Variants in GLIS3 observed in about 807,000 individuals in gnomAD.
The protein encoded by GLIS3 is zinc finger protein GLIS3.
GLIS3 carries 53 observed loss-of-function variants against 78.6 expected under a neutral mutation model. The ratio of observed to expected loss-of-function variants is 0.67; its 90% CI spans 0.54 to 0.85. GLIS3 has a LOEUF of 0.85. Among genes scored for constraint, GLIS3 ranks in the 40% least tolerant of loss-of-function variants. The pLI, the probability that GLIS3 is intolerant of heterozygous loss-of-function variation, is 0.00. For synonymous variants in GLIS3, 684 were observed against 509.9 expected (o/e 1.34, Z -4.60); for missense variants, 1,703 against 1,231.1 (o/e 1.38, Z -5.74).
chr9:4,136,228 A>C (rs1453807623), intron 2 of GLIS3, among the ~76,000 whole-genome samples: 1 of 152,198 alleles, frequency 6.6e-6, no homozygotes, highest in Non-Finnish European at 1.5e-5. Context: ...CAATCGGATA[A>C]TGTCGCTAGA....
At chr9:3,932,722 G>C in intron 5 of GLIS3, 2 of 456,652 alleles carry the variant, frequency 4.4e-6, no homozygotes, top group Non-Finnish European at 8.3e-6. Flanking sequence ...TTTAGTGTGT[G>C]CTCTAACCAC....
chr9:4,437,011 G>GAGAGAAGGCAAGGTATACCTTCA, the GLIS3 span, among the ~76,000 whole-genome samples: 1 of 152,056 alleles, frequency 6.6e-6, no homozygotes, highest in African/African-American at 2.4e-5. Flanking sequence ...TAGAAGTATA[G>GAGAGAAGGCAAGGTATACCTTCA]AGAGAAGGTA....
chr9:3,901,873 G>GA lies in GLIS3; in HGVS notation c.1984-3039dup, dbSNP rs796770202. ...AATACATGCCGTGTAAGAAAAACTG[G>GA]AAAAAAAAATTCAAGGCTTGGAATG... On this transcript the variant is annotated intron_variant, in intron 6 of 10. Transcript: ENST00000381971. 4.3e-3 allele frequency among the ~76,000 whole-genome samples: 645 copies of GA among 151,378 alleles called. 3 individuals are homozygous for GA. The highest frequency in any genetic ancestry group is 0.012 in the African/African-American group (490 of 41,322).
chr9:3,884,749 C>T (rs975653977), intron 7 of GLIS3, among the ~76,000 whole-genome samples: 3 of 152,158 alleles, frequency 2.0e-5, no homozygotes, highest in Non-Finnish European at 4.4e-5. Context: ...AGTTACCTGG[C>T]TTAGGTCACG....
chr9:3,953,063 C>T lies in GLIS3; in HGVS notation c.1711-15874G>A, dbSNP rs541888332. ...TTGGGCTGGTGAAGAGTCAAGTCAC[C>T]ACTTCTTGTTTTTTTCTGGGATTTG... On this transcript the variant is annotated intron_variant, in intron 4 of 10. Transcript: ENST00000381971. 3.9e-5 allele frequency among the ~76,000 whole-genome samples: 6 copies of T among 152,236 alleles called. No individual in the cohort carries two copies. In the East Asian group the frequency reaches 1.2e-3, roughly 29 times the overall value.
At chr9:4,168,347 CTG>C (rs1586862558) in intron 2 of GLIS3, among the ~76,000 whole-genome samples, 2 of 152,222 alleles carry the variant, frequency 1.3e-5, no homozygotes, top group East Asian at 3.9e-4. Context: ...TGACTTGAGA[CTG>C]TTAACGGGAC....
At chr9:4,045,001 C>A (rs1453981855) in intron 4 of GLIS3, among the ~76,000 whole-genome samples, 2 of 152,200 alleles carry the variant, frequency 1.3e-5, no homozygotes, top group East Asian at 1.9e-4. Flanking sequence ...GTAGTGCAGG[C>A]ATAAAAAACA....
the GLIS3 span, among the ~76,000 whole-genome samples, chr9:4,451,646 G>C: frequency 1.3e-5 from 2 of 152,096 alleles, no homozygotes; most frequent in Non-Finnish European, 2.9e-5. Flanking sequence ...ACGACAAACT[G>C]TCTCTCAGAC....
intron 4 of GLIS3, among the ~76,000 whole-genome samples, chr9:4,037,547 A>AAC (rs56254712): frequency 0.041 from 6,073 of 147,304 alleles, 122 homozygotes; most frequent in East Asian, 0.072. Context: ...GTGTGCACAC[A>AAC]ACACACACAC....
the GLIS3 span, among the ~76,000 whole-genome samples, chr9:4,472,355 T>A: frequency 6.6e-6 from 1 of 152,064 alleles, no homozygotes; most frequent in Non-Finnish European, 1.5e-5. Context: ...TTGGAACCAA[T>A]CCAAATGTCC....
At position 3,937,098 on chromosome 9, in the gene GLIS3, T is replaced by C; in HGVS notation, c.1802A>G (p.His601Arg). 1 of 1,614,022 alleles carries C rather than the reference T, an allele frequency of 6.2e-7. No individual in the cohort carries two copies. Among genetic ancestry groups the C allele is most frequent in the Non-Finnish European group, 8.5e-7 (1 of 1,180,034 alleles). ...HTGEKPYLCQ[H>R]PGCQKAFSNS... is the part of the protein sequence containing the mutation. ...ACTGAAGGCCTTCTGACAACCCGGA[T>C]GCTGGCACAAATACGGCTTCTCGCC... is the stretch of plus-strand genomic sequence containing the variant. The change falls in exon 5 of 11, where the codon CAT becomes CGT. Residue 601 changes from histidine (H) to arginine (R), a missense_variant. Transcript: ENST00000381971.
chr9:4,337,343 T>C (rs1342087222), intron 2 of GLIS3, among the ~76,000 whole-genome samples: 1 of 152,166 alleles, frequency 6.6e-6, no homozygotes, highest in East Asian at 1.9e-4. Flanking sequence ...GTTAATTAAA[T>C]ACAGCCATAT....
the GLIS3 span, among the ~76,000 whole-genome samples, chr9:4,478,212 G>C: frequency 2.0e-5 from 3 of 152,232 alleles, no homozygotes; most frequent in African/African-American, 7.2e-5. Context: ...ATTGGCCAAA[G>C]ATGGGATGAT....
At chr9:4,215,562 T>C (rs994259435) in intron 2 of GLIS3, among the ~76,000 whole-genome samples, 2 of 152,212 alleles carry the variant, frequency 1.3e-5, no homozygotes, top group Non-Finnish European at 2.9e-5. Flanking sequence ...ATTTTCCAAA[T>C]GTCCATCAAA....
chr9:3,840,542 G>A (rs974283329), intron 9 of GLIS3, among the ~76,000 whole-genome samples: 1 of 152,156 alleles, frequency 6.6e-6, no homozygotes, highest in East Asian at 1.9e-4. Flanking sequence ...CAAAGCACTC[G>A]AGCTATTTAC....
At chr9:4,289,577 T>C (rs892535363) in intron 1 of GLIS3, among the ~76,000 whole-genome samples, 1 of 152,094 alleles carries the variant, frequency 6.6e-6, no homozygotes, top group Non-Finnish European at 1.5e-5. Flanking sequence ...AGCACCTTTC[T>C]AGTTAAAAAT....
chr9:4,010,243 A>G (rs1270821733), intron 4 of GLIS3, among the ~76,000 whole-genome samples: 1 of 152,126 alleles, frequency 6.6e-6, no homozygotes, highest in Non-Finnish European at 1.5e-5. Context: ...CTTGATCCCA[A>G]CTCTGCCACT....
the GLIS3 span, among the ~76,000 whole-genome samples, chr9:4,425,201 G>A: frequency 6.6e-6 from 1 of 152,178 alleles, no homozygotes; most frequent in South Asian, 2.1e-4. Context: ...ATTTACATGA[G>A]AGCGATATAA....
intron 9 of GLIS3, among the ~76,000 whole-genome samples, chr9:3,847,616 G>A (rs1026961400): frequency 1.3e-5 from 2 of 152,226 alleles, no homozygotes; most frequent in Non-Finnish European, 2.9e-5. Context: ...ATTATTCACA[G>A]TTCAGTCATT....
Sources: allele counts gnomAD v4.1 joint callset (sites outside exome capture counted in the v4.1 genomes callset), GRCh38; gene constraint gnomAD v4.1.1; transcripts MANE v1.5; gene names NCBI Gene and HGNC (gene_info 2026-07-23, HGNC 2026-07-21).